SLC39A11: variants seen among roughly 807,000 people sequenced by gnomAD.
SLC39A11 encodes the protein solute carrier family 39 member 11.
SLC39A11 carries 33 observed loss-of-function variants against 36.1 expected under a neutral mutation model. The ratio of observed to expected loss-of-function variants is 0.91; its 90% CI spans 0.69 to 1.22. The LOEUF is 1.22. Among genes scored for constraint, SLC39A11 ranks in the 50% most tolerant of loss-of-function variants. SLC39A11 has a pLI of 0.00. For missense variants in SLC39A11, 432 were observed against 430.3 expected (o/e 1.00, Z -0.03); for synonymous variants, 166 against 170.3 (o/e 0.97, Z 0.20).
intron 6 of SLC39A11, among the ~76,000 whole-genome samples, chr17:72,844,584 T>A (rs1251590793): frequency 6.6e-6 from 1 of 152,012 alleles, no homozygotes; most frequent in Admixed American, 6.6e-5. Flanking sequence ...CAGGAGAACC[T>A]CTTGAACCCA....
At chr17:73,026,042 C>G (rs558496445) in intron 4 of SLC39A11, among the ~76,000 whole-genome samples, 1 of 151,908 alleles carries the variant, frequency 6.6e-6, no homozygotes, top group Admixed American at 6.6e-5. Context: ...AACTTGAACC[C>G]GGGAGGCGGA....
At chr17:72,863,833 G>C (rs750374598) in intron 5 of SLC39A11, among the ~76,000 whole-genome samples, 1 of 152,186 alleles carries the variant, frequency 6.6e-6, no homozygotes, top group African/African-American at 2.4e-5. Context: ...GTCTTAATAC[G>C]AAGCTCAAGG....
intron 6 of SLC39A11, among the ~76,000 whole-genome samples, chr17:72,741,671 A>G (rs538626713): frequency 1.3e-5 from 2 of 152,210 alleles, no homozygotes; most frequent in South Asian, 2.1e-4. Context: ...GACTAATTCA[A>G]ATATAGGTGG....
At chr17:72,880,124 GT>G (rs1279911921) in intron 5 of SLC39A11, among the ~76,000 whole-genome samples, 3 of 152,172 alleles carry the variant, frequency 2.0e-5, no homozygotes, top group African/African-American at 7.2e-5. Context: ...TGCACAATGG[GT>G]TTAAGAGCAT....
chr17:73,068,179 G>A lies in SLC39A11; in HGVS notation c.147+16629C>T, dbSNP rs1322341756. ...CCTCTGTTCCCGGAGAAACTGCAGT[G>A]GAAGACGGGGGCTCCAGAGTGGTTG... On this transcript the variant is annotated intron_variant, in intron 3 of 9. Coordinates refer to ENST00000255559, the MANE Select transcript of SLC39A11 (RefSeq NM_139177.4). 14 of 1,222,902 alleles carry A rather than the reference G, an allele frequency of 1.1e-5. No individual in the cohort carries two copies. In the African/African-American group the frequency reaches 1.8e-4, roughly 16 times the overall value. 75.8% of individuals were successfully genotyped at this position (1,222,902 alleles called of 1,614,324 possible).
At chr17:72,961,077 A>G (rs2086579611) in intron 4 of SLC39A11, among the ~76,000 whole-genome samples, 1 of 152,232 alleles carries the variant, frequency 6.6e-6, no homozygotes, top group Non-Finnish European at 1.5e-5. Context: ...CGAGCCTAAG[A>G]CAGTCACAAG....
chr17:72,738,311 C>A (rs2074523573), intron 6 of SLC39A11, among the ~76,000 whole-genome samples: 1 of 152,140 alleles, frequency 6.6e-6, no homozygotes, highest in Admixed American at 6.5e-5. Context: ...GCCAAGCAAG[C>A]ATTTTTATAT....
At chr17:72,866,114 G>A (rs2080289805) in intron 5 of SLC39A11, among the ~76,000 whole-genome samples, 3 of 152,196 alleles carry the variant, frequency 2.0e-5, no homozygotes, top group African/African-American at 4.8e-5. Context: ...AGCAGTTGAA[G>A]CTTCATCTGT....
At chr17:73,019,449 G>A (rs747014934) in intron 4 of SLC39A11, among the ~76,000 whole-genome samples, 8 of 152,164 alleles carry the variant, frequency 5.3e-5, no homozygotes, top group African/African-American at 9.6e-5. Flanking sequence ...GATGTATAGT[G>A]CTATTAAGGC....
rs1322369261 is a variant in SLC39A11, at chr17:73,060,158, C to T, written c.147+24650G>A. 2.8e-5 allele frequency among the ~76,000 whole-genome samples: 4 copies of T among 144,558 alleles called. No homozygotes were observed. The East Asian group carries it at 6.1e-4, about 22-fold the overall frequency. The allele number at this position is 144,558 out of a possible 152,430, so 94.8% of individuals were successfully genotyped here. ...CCGGGAGGCAGAAGTTGCAGTGAGC[C>T]GAGATCACGCCACTGCACTCCAGCC... is the stretch of plus-strand genomic sequence containing the variant. On this transcript the variant is annotated intron_variant, in intron 3 of 9. Transcript: ENST00000255559.
At chr17:72,796,308 C>G (rs1300990036) in intron 6 of SLC39A11, among the ~76,000 whole-genome samples, 1 of 152,152 alleles carries the variant, frequency 6.6e-6, no homozygotes, top group Non-Finnish European at 1.5e-5. Context: ...GGCTTCAAAT[C>G]CACACACTCC....
intron 6 of SLC39A11, among the ~76,000 whole-genome samples, chr17:72,754,047 C>T (rs57192220): frequency 0.046 from 1,659 of 35,874 alleles, 43 homozygotes; most frequent in African/African-American, 0.12. Context: ...TATATATATA[C>T]ACATACACAC....
chr17:72,831,465 G>A (rs78702493), intron 6 of SLC39A11, among the ~76,000 whole-genome samples: 2,837 of 152,274 alleles, frequency 0.019, 86 homozygotes, highest in African/African-American at 0.064. Flanking sequence ...GAAGCAGAGG[G>A]TGGAGCTGGA....
At chr17:72,895,239 G>A (rs2081970271) in intron 5 of SLC39A11, among the ~76,000 whole-genome samples, 1 of 152,124 alleles carries the variant, frequency 6.6e-6, no homozygotes, top group African/African-American at 2.4e-5. Context: ...TCATTCCTGA[G>A]ATGTTAGTGC....
chr17:72,921,910 C>T (rs1485992953), intron 5 of SLC39A11, among the ~76,000 whole-genome samples: 3 of 152,190 alleles, frequency 2.0e-5, no homozygotes, highest in Non-Finnish European at 4.4e-5. Flanking sequence ...GGCTTAGAAG[C>T]TACAAATAAC....
chr17:72,974,021 CAG>C (rs2087650649), intron 4 of SLC39A11, among the ~76,000 whole-genome samples: 1 of 152,184 alleles, frequency 6.6e-6, no homozygotes, highest in Non-Finnish European at 1.5e-5. Flanking sequence ...AGGATCATAA[CAG>C]AGTGAAAGAT....
chr17:72,787,320 C>A (rs1226924277), intron 6 of SLC39A11, among the ~76,000 whole-genome samples: 1 of 136,098 alleles, frequency 7.3e-6, no homozygotes, highest in Non-Finnish European at 1.5e-5. Context: ...GGCAGTGGCG[C>A]AATCTCGGCT....
At chr17:72,922,405 C>T (rs1264614971) in intron 5 of SLC39A11, among the ~76,000 whole-genome samples, 1 of 152,224 alleles carries the variant, frequency 6.6e-6, no homozygotes, top group African/African-American at 2.4e-5. Flanking sequence ...ACAAAAGGTG[C>T]ATGATTCCTT....
chr17:72,801,343 C>T (rs1222518457), intron 6 of SLC39A11, among the ~76,000 whole-genome samples: 1 of 152,226 alleles, frequency 6.6e-6, no homozygotes, highest in Non-Finnish European at 1.5e-5. Flanking sequence ...GCCTCAGCCT[C>T]CTGAGTATCT....
Sources: allele counts gnomAD v4.1 joint callset (sites outside exome capture counted in the v4.1 genomes callset), GRCh38; gene constraint gnomAD v4.1.1; transcripts MANE v1.5; gene names NCBI Gene and HGNC (gene_info 2026-07-23, HGNC 2026-07-21).